The following DCC variants were observed in gnomAD, a reference collection of about 807,000 sequenced individuals.
DCC encodes the protein netrin receptor DCC.
DCC carries 58 observed loss-of-function variants against 172.5 expected under a neutral mutation model. That is an observed-to-expected ratio of 0.34 (90% CI 0.27 to 0.42). The LOEUF (loss-of-function observed/expected upper bound fraction) is 0.42, where lower values mean the gene tolerates loss of function less well. DCC is among the 10% of genes least tolerant of loss of function. The pLI, the probability that DCC is intolerant of heterozygous loss-of-function variation, is 1.00. For missense variants in DCC, 1,740 were observed against 1,791.0 expected (o/e 0.97, Z 0.51); for synonymous variants, 709 against 644.5 (o/e 1.10, Z -1.52).
intron 12 of DCC, among the ~76,000 whole-genome samples, chr18:53,236,910 A>G (rs1384035384): frequency 6.6e-6 from 1 of 151,970 alleles, no homozygotes; most frequent in Non-Finnish European, 1.5e-5. Context: ...TCTGGATCTT[A>G]TTCTGTTCCA....
At chr18:52,736,409 T>A (rs552384719) in intron 1 of DCC, among the ~76,000 whole-genome samples, 3 of 152,018 alleles carry the variant, frequency 2.0e-5, no homozygotes, top group African/African-American at 7.2e-5. Context: ...CACTAGACCA[T>A]CTTTGTGCAA....
intron 19 of DCC, among the ~76,000 whole-genome samples, chr18:53,405,191 A>T (rs968676860): frequency 2.4e-5 from 1 of 41,728 alleles, no homozygotes; most frequent in African/African-American, 6.4e-5. Flanking sequence ...AATAAAAAGT[A>T]AAAAAAAAAA....
At chr18:53,427,135 C>A (rs775795267) in intron 21 of DCC, among the ~76,000 whole-genome samples, 2 of 152,112 alleles carry the variant, frequency 1.3e-5, no homozygotes, top group African/African-American at 2.4e-5. Flanking sequence ...AAGATTGTCT[C>A]ATTCTTTATG....
At chr18:52,555,346 G>A (rs1048836692) in intron 1 of DCC, among the ~76,000 whole-genome samples, 1 of 152,076 alleles carries the variant, frequency 6.6e-6, no homozygotes, top group Admixed American at 6.6e-5. Context: ...AGAATTTCAG[G>A]CAAATGTTGA....
intron 2 of DCC, among the ~76,000 whole-genome samples, chr18:52,776,164 C>CA (rs1268255469): frequency 6.6e-6 from 1 of 151,898 alleles, no homozygotes; most frequent in Non-Finnish European, 1.5e-5. Context: ...CAAAAGTGAA[C>CA]AGTAGAAAAA....
intron 12 of DCC, among the ~76,000 whole-genome samples, chr18:53,279,095 AT>A (rs1486307687): frequency 6.6e-6 from 1 of 152,140 alleles, no homozygotes; most frequent in African/African-American, 2.4e-5. Flanking sequence ...CTTTTCAATG[AT>A]CGCCATTCTA....
chr18:53,294,861 T>G (rs901323594), intron 12 of DCC, among the ~76,000 whole-genome samples: 4 of 152,306 alleles, frequency 2.6e-5, no homozygotes, highest in African/African-American at 9.6e-5. Flanking sequence ...ACTGGCACTT[T>G]TACGAGAACC....
At chr18:52,794,991 T>A (rs1308132817) in intron 2 of DCC, among the ~76,000 whole-genome samples, 2 of 152,070 alleles carry the variant, frequency 1.3e-5, no homozygotes, top group African/African-American at 4.8e-5. Flanking sequence ...TTAATCATGA[T>A]GTATTATCTT....
At chr18:52,713,218 A>G (rs907277787) in intron 1 of DCC, among the ~76,000 whole-genome samples, 1 of 152,234 alleles carries the variant, frequency 6.6e-6, no homozygotes, top group Admixed American at 6.5e-5. Flanking sequence ...TTCTGATGCC[A>G]TTATAAACTA....
chr18:52,372,666 T>A (rs1481104212), intron 1 of DCC, among the ~76,000 whole-genome samples: 1 of 152,214 alleles, frequency 6.6e-6, no homozygotes, highest in Non-Finnish European at 1.5e-5. Context: ...TAGTTGTGAA[T>A]GGATGTGAGC....
intron 7 of DCC, among the ~76,000 whole-genome samples, chr18:53,117,244 T>C (rs1446425407): frequency 6.6e-6 from 1 of 151,796 alleles, no homozygotes; most frequent in Non-Finnish European, 1.5e-5. Context: ...TTTATAATAC[T>C]GCACTGTAAG....
rs559443231 is a variant in DCC, at chr18:53,472,138, C to A, written c.3736+4128C>A. 1.9e-4 allele frequency among the ~76,000 whole-genome samples: 29 copies of A among 152,244 alleles called. No homozygotes were observed. The South Asian group carries it at 6.0e-3, about 32-fold the overall frequency. ...AATTTTACTATAATAAGTGCAAAAA[C>A]TTACATAGCATTTATAATGAATGCC... On this transcript the variant is annotated intron_variant, in intron 25 of 28. Coordinates refer to ENST00000442544, the MANE Select transcript of DCC (RefSeq NM_005215.4).
At chr18:53,252,920 A>G (rs1385148677) in intron 12 of DCC, among the ~76,000 whole-genome samples, 1 of 152,058 alleles carries the variant, frequency 6.6e-6, no homozygotes, top group Non-Finnish European at 1.5e-5. Context: ...ATAAGTTTAG[A>G]AAACTAAAGG....
intron 2 of DCC, among the ~76,000 whole-genome samples, chr18:52,785,768 T>G (rs1568102185): frequency 6.6e-6 from 1 of 152,082 alleles, no homozygotes; most frequent in Non-Finnish European, 1.5e-5. Context: ...ACTTTAGTAT[T>G]GACCTTGGCT....
chr18:52,815,384 G>A (rs1053674544), intron 2 of DCC, among the ~76,000 whole-genome samples: 7 of 148,650 alleles, frequency 4.7e-5, no homozygotes, highest in Admixed American at 6.8e-5. Flanking sequence ...ATAGTAGAGC[G>A]CTCACTTGCG....
At chr18:53,239,165 C>A (rs1432411880) in intron 12 of DCC, among the ~76,000 whole-genome samples, 1 of 146,850 alleles carries the variant, frequency 6.8e-6, no homozygotes, top group African/African-American at 2.5e-5. Flanking sequence ...GCACGTTGTG[C>A]ACATGTACCC....
chr18:53,055,781 G>A (rs1293841647), intron 5 of DCC, among the ~76,000 whole-genome samples: 4 of 152,080 alleles, frequency 2.6e-5, no homozygotes, highest in African/African-American at 9.7e-5. Flanking sequence ...CGTAAGAAAA[G>A]GCCGGGAGAG....
rs146676004 is a variant in DCC at position 52,733,620 on chromosome 18, A to G, written c.92-18434A>G. The stretch of plus-strand genomic sequence containing the variant: ...AGTGATCCTCTCACCTCAGCCTCCC[A>G]AGTAGTTAGGACTAGAGCTGTGTAC... On this transcript the variant is annotated intron_variant, in intron 1 of 28. Transcript: ENST00000442544. Among the ~76,000 whole-genome samples the G allele has an allele frequency of 6.8e-3, 1,037 of 152,106 alleles. 13 individuals carry two copies. The highest frequency in any genetic ancestry group is 0.024 in the African/African-American group (993 of 41,506).
intron 3 of DCC, among the ~76,000 whole-genome samples, chr18:52,909,459 C>T (rs1292354758): frequency 6.6e-6 from 1 of 151,946 alleles, no homozygotes; most frequent in Non-Finnish European, 1.5e-5. Flanking sequence ...CAACTTTCCC[C>T]AACATTAATT....
Sources: allele counts gnomAD v4.1 joint callset (sites outside exome capture counted in the v4.1 genomes callset), GRCh38; gene constraint gnomAD v4.1.1; transcripts MANE v1.5; gene names NCBI Gene and HGNC (gene_info 2026-07-23, HGNC 2026-07-21).